The following EDIL3 variants were observed in gnomAD, a reference collection of about 807,000 sequenced individuals.
EDIL3 encodes the protein EGF like and discoidin domains 3.
Under a neutral mutation model 67.4 loss-of-function variants are expected in EDIL3, and 37 were observed. The observed-to-expected ratio is 0.55, with a 90% confidence interval of 0.42 to 0.72. EDIL3 has a LOEUF of 0.72. EDIL3 is among the 30% of genes least tolerant of loss of function. The pLI is 0.00. For synonymous variants in EDIL3, 195 were observed against 196.3 expected (o/e 0.99, Z 0.05); for missense variants, 527 against 586.3 (o/e 0.90, Z 1.04).
intron 1 of EDIL3, among the ~76,000 whole-genome samples, chr5:84,375,590 T>A (rs1407112329): frequency 6.6e-6 from 1 of 152,230 alleles, no homozygotes; most frequent in African/African-American, 2.4e-5. Flanking sequence ...AAAGTCACTT[T>A]GTACTACCTG....
intron 9 of EDIL3, among the ~76,000 whole-genome samples, chr5:84,056,929 T>A (rs1281461306): frequency 6.6e-6 from 1 of 152,090 alleles, no homozygotes; most frequent in Non-Finnish European, 1.5e-5. Flanking sequence ...ATGAAAATGT[T>A]AATCTTATTT....
At chr5:84,181,580 C>A (rs1317514346) in intron 3 of EDIL3, among the ~76,000 whole-genome samples, 1 of 152,176 alleles carries the variant, frequency 6.6e-6, no homozygotes, top group Non-Finnish European at 1.5e-5. Flanking sequence ...GTAGGCTCAT[C>A]CTATCTACTC....
At chr5:84,007,866 T>C (rs995647873) in intron 9 of EDIL3, among the ~76,000 whole-genome samples, 4 of 152,158 alleles carry the variant, frequency 2.6e-5, no homozygotes, top group African/African-American at 9.7e-5. Context: ...GAGCCAAGAT[T>C]TGGAATCAAC....
At chr5:84,096,327 AC>A (rs1747262939) in intron 6 of EDIL3, among the ~76,000 whole-genome samples, 1 of 152,164 alleles carries the variant, frequency 6.6e-6, no homozygotes, top group Admixed American at 6.5e-5. Context: ...GGGAGGCTGT[AC>A]CCTGCAAAGC....
chr5:84,339,187 T>C (rs1287295898), intron 1 of EDIL3, among the ~76,000 whole-genome samples: 2 of 152,158 alleles, frequency 1.3e-5, no homozygotes, highest in Non-Finnish European at 2.9e-5. Context: ...TTCACCTGTG[T>C]GACATTGGGA....
intron 10 of EDIL3, among the ~76,000 whole-genome samples, chr5:83,948,570 C>T (rs1744354654): frequency 6.6e-6 from 1 of 151,210 alleles, no homozygotes; most frequent in Admixed American, 6.6e-5. Context: ...CTACTTTGCC[C>T]TATATGCAAG....
At chr5:84,379,488 C>A (rs1351055146) in intron 1 of EDIL3, among the ~76,000 whole-genome samples, 1 of 152,056 alleles carries the variant, frequency 6.6e-6, no homozygotes, top group Admixed American at 6.5e-5. Flanking sequence ...GCAGTAGATG[C>A]ATAGGAATAG....
chr5:84,176,767 G>C (rs1190992379), intron 4 of EDIL3, among the ~76,000 whole-genome samples: 1 of 150,936 alleles, frequency 6.6e-6, no homozygotes, highest in Non-Finnish European at 1.5e-5. Context: ...GTGTGTGTGT[G>C]TGTGCCTGTG....
chr5:84,120,963 T>C (rs1747765281), intron 5 of EDIL3, among the ~76,000 whole-genome samples: 2 of 152,128 alleles, frequency 1.3e-5, no homozygotes, highest in South Asian at 2.1e-4. Context: ...TGAGTCCTCA[T>C]TCATACATGC....
chr5:84,094,337 T>G (rs542344395), intron 6 of EDIL3, among the ~76,000 whole-genome samples: 2 of 152,314 alleles, frequency 1.3e-5, no homozygotes, highest in South Asian at 4.1e-4. Flanking sequence ...TGTCCAGATA[T>G]AATTAGCTTT....
chr5:84,027,379 C>T (rs1355129296), intron 9 of EDIL3, among the ~76,000 whole-genome samples: 1 of 152,076 alleles, frequency 6.6e-6, no homozygotes, highest in Non-Finnish European at 1.5e-5. Flanking sequence ...AGATTACAAA[C>T]ACAGCAGTCT....
chr5:84,058,946 C>T (rs537886544), intron 9 of EDIL3, among the ~76,000 whole-genome samples: 12 of 151,336 alleles, frequency 7.9e-5, no homozygotes, highest in Admixed American at 3.3e-4. Context: ...GTTCATAGAA[C>T]GGTAATAGGA....
chr5:84,276,449 T>C (rs1480914451), intron 1 of EDIL3, among the ~76,000 whole-genome samples: 1 of 152,366 alleles, frequency 6.6e-6, no homozygotes, highest in East Asian at 1.9e-4. Flanking sequence ...AACTATTCTG[T>C]AATTGCTTTT....
At chr5:84,293,271 T>G (rs2112121139) in intron 1 of EDIL3, among the ~76,000 whole-genome samples, 1 of 152,308 alleles carries the variant, frequency 6.6e-6, no homozygotes, top group Admixed American at 6.5e-5. Flanking sequence ...CACGAGCAAT[T>G]TACAAAGTTA....
chr5:84,101,415 G>GA (rs1260243936), intron 6 of EDIL3, among the ~76,000 whole-genome samples: 7 of 151,870 alleles, frequency 4.6e-5, no homozygotes, highest in Non-Finnish European at 8.8e-5. Context: ...GGTTGTTACT[G>GA]AAAAAACTAA....
At chr5:84,036,480 A>G (rs893188901) in intron 9 of EDIL3, among the ~76,000 whole-genome samples, 6 of 152,216 alleles carry the variant, frequency 3.9e-5, no homozygotes, top group African/African-American at 1.4e-4. Flanking sequence ...GAGGGCTTAC[A>G]ATAAGTTAGT....
At chr5:84,126,064 T>C (rs1316101454) in intron 5 of EDIL3, among the ~76,000 whole-genome samples, 2 of 152,040 alleles carry the variant, frequency 1.3e-5, no homozygotes, top group East Asian at 1.9e-4. Context: ...ATCTGCACAG[T>C]TGAGGAGAAG....
chr5:84,154,824 C>A (rs1748462461), intron 4 of EDIL3, among the ~76,000 whole-genome samples: 1 of 151,630 alleles, frequency 6.6e-6, no homozygotes, highest in East Asian at 1.9e-4. Context: ...CTCAGCCTCC[C>A]AAGTAGCTGG....
At chr5:84,172,310 G>C (rs568074903) in intron 4 of EDIL3, among the ~76,000 whole-genome samples, 26 of 152,300 alleles carry the variant, frequency 1.7e-4, no homozygotes, top group South Asian at 4.1e-4. Context: ...GGCCTGGCAT[G>C]GTCATTCATA....
Sources: allele counts gnomAD v4.1 joint callset (sites outside exome capture counted in the v4.1 genomes callset), GRCh38; gene constraint gnomAD v4.1.1; transcripts MANE v1.5; gene names NCBI Gene and HGNC (gene_info 2026-07-23, HGNC 2026-07-21).